Variants in USP39 observed in about 807,000 individuals in gnomAD.
USP39 encodes ubiquitin specific peptidase 39.
In USP39, 38 loss-of-function variants were observed where a neutral mutation model predicts 66.4. That is an observed-to-expected ratio of 0.57 (90% CI 0.44 to 0.75). USP39 has a LOEUF of 0.75. USP39 is among the 30% of genes least tolerant of loss of function. The probability of loss-of-function intolerance (pLI) is 0.00; values close to 1 mark genes in which losing one functional copy is unlikely to be tolerated. For missense variants in USP39, 608 were observed against 714.4 expected, an observed-to-expected ratio of 0.85 and a Z score of 1.70; for synonymous variants, 303 against 274.6, an observed-to-expected ratio of 1.10 and a Z score of -1.02.
intron 11 of USP39, chr2:85,645,333 G>T (rs1394166549): frequency 2.8e-6 from 1 of 360,442 alleles, no homozygotes; most frequent in African/African-American, 2.1e-5. Flanking sequence ...CTGGAGTGCA[G>T]TGGCGTGATC....
rs542488933 is a variant in USP39 at position 85,636,499 on chromosome 2, A to G, written c.1027+369A>G. Among the ~76,000 whole-genome samples, 11 of 152,184 alleles carry G rather than the reference A, an allele frequency of 7.2e-5. No homozygotes were observed. The South Asian group carries it at 8.3e-4, about 11-fold the overall frequency. ...TTGCTAGAATATGGTTATAGTCCCA[A>G]TGATATTTTATTATATATATATTTT... is the stretch of plus-strand genomic sequence containing the variant. On this transcript the variant is annotated intron_variant, in intron 7 of 12. Coordinates refer to ENST00000323701, the MANE Select transcript of USP39 (RefSeq NM_006590.4).
At position 85,634,113 on chromosome 2, in the gene USP39, A is replaced by G. The variant is rs569264252; in HGVS notation, c.950-1940A>G. Among the ~76,000 whole-genome samples, 3 of 149,724 alleles carry G rather than the reference A, an allele frequency of 2.0e-5. No individual in the cohort carries two copies. In the East Asian group the frequency reaches 6.3e-4, roughly 31 times the overall value. On this transcript the variant is annotated intron_variant, in intron 6 of 12. Coordinates refer to ENST00000323701, the MANE Select transcript of USP39 (RefSeq NM_006590.4). ...CGGCCTCCCAAAGTGCTGGGATTAC[A>G]GGCGTGAGCCACCACGCCCGGCCGA...
chr2:85,630,047 A>G (rs1675203187), intron 5 of USP39, among the ~76,000 whole-genome samples: 1 of 152,006 alleles, frequency 6.6e-6, no homozygotes, highest in Admixed American at 6.6e-5. Flanking sequence ...GTGATTTCTG[A>G]GATTTTGGTC....
At chr2:85,615,667 G>T (rs1673869713), upstream of USP39, among the ~76,000 whole-genome samples, 1 of 152,044 alleles carries the variant, frequency 6.6e-6, no homozygotes, top group Non-Finnish European at 1.5e-5. Flanking sequence ...AGTTTCGCTC[G>T]TTGCCCAGGC....
upstream of USP39, chr2:85,611,705 G>C: frequency 6.3e-7 from 1 of 1,586,498 alleles, no homozygotes; most frequent in Admixed American, 1.8e-5. Context: ...GGTCTGGCTT[G>C]CGGGGCCGCG....
At chr2:85,644,853 G>A (rs1279598769) in intron 10 of USP39, 95 bp from the exon 11 acceptor site, 18 of 1,537,456 alleles carry the variant, frequency 1.2e-5, no homozygotes, top group Non-Finnish European at 9.7e-6. Context: ...TCCTAAAATA[G>A]GGCTGAACAA....
upstream of USP39, chr2:85,612,362 A>G (rs1250610238): frequency 2.0e-6 from 3 of 1,536,108 alleles, no homozygotes; most frequent in African/African-American, 1.4e-5. Context: ...TTTTTCTGGT[A>G]ATAGGATGCT....
chr2:85,641,569 T>C (rs1396831772), intron 10 of USP39, among the ~76,000 whole-genome samples: 1 of 152,124 alleles, frequency 6.6e-6, no homozygotes, highest in Non-Finnish European at 1.5e-5. Flanking sequence ...GGGTAGACTG[T>C]TGGTTTTCAG....
At chr2:85,623,859 T>C in intron 4 of USP39, 77 bp downstream of exon 4, 1 of 1,465,570 alleles carries the variant, frequency 6.8e-7, no homozygotes, top group Non-Finnish European at 9.2e-7. Flanking sequence ...CTGCCCCACC[T>C]GAGGACAGGG....
chr2:85,648,497 A>G (rs1475070320), intron 12 of USP39, among the ~76,000 whole-genome samples: 1 of 152,162 alleles, frequency 6.6e-6, no homozygotes, highest in Non-Finnish European at 1.5e-5. Context: ...TCTTCTCTTT[A>G]TGTAACTGCC....
rs552837209 is a variant in USP39, at chr2:85,644,001, A to G, written c.1428-947A>G. Among the ~76,000 whole-genome samples, 3 of 152,322 alleles carry G rather than the reference A, an allele frequency of 2.0e-5. No homozygotes were observed. The South Asian group carries it at 6.2e-4, about 32-fold the overall frequency. ...TTATTGCAGTCTGACTGCATCATATATGGGACACTGTCAGTCTGTAGAAAC... is the reference window on the plus strand; with the variant it reads ...TTATTGCAGTCTGACTGCATCATATGTGGGACACTGTCAGTCTGTAGAAAC... On this transcript the variant is annotated intron_variant, in intron 10 of 12. Coordinates refer to ENST00000323701, the MANE Select transcript of USP39 (RefSeq NM_006590.4).
At chr2:85,611,747 C>T, upstream of USP39, 1 of 1,611,644 alleles carries the variant, frequency 6.2e-7, no homozygotes, top group Non-Finnish European at 8.5e-7. Flanking sequence ...TCCTCACCTT[C>T]TCCTTGGCCG....
intron 2 of USP39, among the ~76,000 whole-genome samples, chr2:85,619,941 G>A (rs564156917): frequency 6.6e-6 from 1 of 151,816 alleles, no homozygotes; most frequent in South Asian, 2.1e-4. Flanking sequence ...TGCAACCTTC[G>A]CCTTCCAGGT....
At chr2:85,621,146 C>G (rs1205108019) in intron 2 of USP39, 1 of 182,238 alleles carries the variant, frequency 5.5e-6, no homozygotes, top group African/African-American at 2.3e-5. Flanking sequence ...TATGTCCTCT[C>G]CACCTCCAGA....
upstream of USP39, among the ~76,000 whole-genome samples, chr2:85,609,265 T>C (rs541264911): frequency 9.2e-5 from 14 of 152,206 alleles, no homozygotes; most frequent in Admixed American, 2.6e-4. Flanking sequence ...TGAGAATCAC[T>C]GTGAGATGGG....
chr2:85,625,680 G>A lies in USP39; in HGVS notation c.712G>A (p.Ala238Thr), dbSNP rs1208978885. The A allele has an allele frequency of 1.2e-6, 2 of 1,612,796 alleles. No individual in the cohort carries two copies. The highest frequency in any genetic ancestry group is 1.3e-5 in the African/African-American group (1 of 74,986). ...CATAAAGGCCAATGATTATGCCAACGCTGTCCTTCAGGTAAGATCAAGACG... is the reference window on the plus strand; with the variant it reads ...CATAAAGGCCAATGATTATGCCAACACTGTCCTTCAGGTAAGATCAAGACG... ...NNIKANDYAN[A>T]VLQALSNVPP... Residue 238 changes from alanine to threonine, a missense_variant, in exon 5 of 13, where the codon GCT becomes ACT. Coordinates refer to ENST00000323701, the MANE Select transcript of USP39 (RefSeq NM_006590.4).
At chr2:85,609,914 C>T (rs1673398317), upstream of USP39, among the ~76,000 whole-genome samples, 1 of 151,958 alleles carries the variant, frequency 6.6e-6, no homozygotes, top group South Asian at 2.1e-4. Flanking sequence ...CTCCTGACCT[C>T]AGGTGATCCA....
At chr2:85,622,656 G>A (rs1196737417) in intron 3 of USP39, among the ~76,000 whole-genome samples, 1 of 150,204 alleles carries the variant, frequency 6.7e-6, no homozygotes, top group African/African-American at 2.5e-5. Context: ...TAGCTCAAAG[G>A]ACTTTTTTTA....
At chr2:85,608,681 C>T (rs1673308099), upstream of USP39, 2 of 267,612 alleles carry the variant, frequency 7.5e-6, no homozygotes, top group Admixed American at 8.2e-5. Flanking sequence ...TTCTAGAACA[C>T]ATTAGCCACA....
Sources: allele counts gnomAD v4.1 joint callset (sites outside exome capture counted in the v4.1 genomes callset), GRCh38; gene constraint gnomAD v4.1.1; transcripts MANE v1.5; gene names NCBI Gene and HGNC (gene_info 2026-07-23, HGNC 2026-07-21).